The following HTR1F variants were observed in gnomAD, a reference collection of about 807,000 sequenced individuals.
HTR1F encodes the protein 5-hydroxytryptamine receptor 1F.
In HTR1F, 17 loss-of-function variants were observed where a neutral mutation model predicts 24.0. The ratio of observed to expected loss-of-function variants is 0.71; its 90% CI spans 0.48 to 1.06. The LOEUF is 1.06. Among genes scored for constraint, HTR1F ranks in the 50% least tolerant of loss-of-function variants. HTR1F has a pLI of 0.00. For missense variants in HTR1F, 391 were observed against 427.8 expected, an observed-to-expected ratio of 0.91 and a Z score of 0.76; for synonymous variants, 186 against 156.8, an observed-to-expected ratio of 1.19 and a Z score of -1.39.
intron 2 of HTR1F, among the ~76,000 whole-genome samples, chr3:87,898,311 C>T (rs1576002789): frequency 6.6e-6 from 1 of 152,244 alleles, no homozygotes; most frequent in East Asian, 1.9e-4. Context: ...TAGTCCTAGC[C>T]TTTTATTTTA....
chr3:87,873,704 C>G (rs1391846080), intron 2 of HTR1F, among the ~76,000 whole-genome samples: 1 of 152,102 alleles, frequency 6.6e-6, no homozygotes, highest in Non-Finnish European at 1.5e-5. Flanking sequence ...CTGAATTCAA[C>G]AGCAGATTAA....
intron 2 of HTR1F, among the ~76,000 whole-genome samples, chr3:87,864,920 A>AAGAAT: frequency 6.6e-6 from 1 of 151,916 alleles, no homozygotes; most frequent in Non-Finnish European, 1.5e-5. Flanking sequence ...AAGAAAAGAA[A>AAGAAT]AGAAAAGAAA....
chr3:87,901,039 C>A lies in HTR1F; in HGVS notation c.-43+78915C>A, dbSNP rs535352128. 3.3e-5 allele frequency among the ~76,000 whole-genome samples: 5 copies of A among 152,134 alleles called. No individual in the cohort carries two copies. In the South Asian group the frequency reaches 1.0e-3, roughly 32 times the overall value. On this transcript the variant is annotated intron_variant, in intron 2 of 2. Transcript: ENST00000319595. Reference sequence around the variant, plus strand: ...GACTGGGTCTAGGATAGACACTCCACCAGAAGGAAAGAGAAAAAGCACAGT... The same window carrying A: ...GACTGGGTCTAGGATAGACACTCCAACAGAAGGAAAGAGAAAAAGCACAGT...
At chr3:87,950,031 A>G (rs77977378) in intron 2 of HTR1F, among the ~76,000 whole-genome samples, 3,007 of 152,232 alleles carry the variant, frequency 0.02, 110 homozygotes, top group African/African-American at 0.067. Flanking sequence ...GTCAAAGGGG[A>G]AGCAGGCATC....
At chr3:87,969,704 G>C (rs1465111550) in intron 2 of HTR1F, among the ~76,000 whole-genome samples, 1 of 152,172 alleles carries the variant, frequency 6.6e-6, no homozygotes, top group Non-Finnish European at 1.5e-5. Context: ...AGATTCAGGG[G>C]AACTGTTGAG....
intron 2 of HTR1F, among the ~76,000 whole-genome samples, chr3:87,964,611 G>A (rs910171880): frequency 6.6e-6 from 1 of 152,192 alleles, no homozygotes; most frequent in Middle Eastern, 3.4e-3. Context: ...CAGTTGAACA[G>A]GAAGGTTATA....
intron 2 of HTR1F, among the ~76,000 whole-genome samples, chr3:87,887,138 A>G (rs1705967713): frequency 6.6e-6 from 1 of 152,214 alleles, no homozygotes; most frequent in South Asian, 2.1e-4. Flanking sequence ...ATACAGACCA[A>G]TGGAACAGAA....
At chr3:87,894,705 C>G (rs1394679346) in intron 2 of HTR1F, among the ~76,000 whole-genome samples, 2 of 151,752 alleles carry the variant, frequency 1.3e-5, no homozygotes, top group Non-Finnish European at 2.9e-5. Context: ...CTGCATTTAC[C>G]TGTTGGGCTA....
Position 87,875,792 on chromosome 3 carries a change from T to C in HTR1F, c.-43+53668T>C, listed in dbSNP as rs111648504. 4.5e-3 allele frequency among the ~76,000 whole-genome samples: 683 copies of C among 151,430 alleles called. 1 individual carries two copies. Among genetic ancestry groups the C allele is most frequent in the African/African-American group, 0.016 (660 of 41,338 alleles). On this transcript the variant is annotated intron_variant, in intron 2 of 2. Coordinates refer to ENST00000319595, the MANE Select transcript of HTR1F (RefSeq NM_001322209.2). ...ACAAAAAATTAGCTGGGCATGGTGG[T>C]GGGTGCCTGTAGTCCCAGCTACTCG...
At chr3:87,799,238 G>A (rs1184875096) in intron 1 of HTR1F, among the ~76,000 whole-genome samples, 1 of 152,092 alleles carries the variant, frequency 6.6e-6, no homozygotes, top group Non-Finnish European at 1.5e-5. Flanking sequence ...AAATGTGAAG[G>A]TGACTCTCAG....
At chr3:87,918,249 C>A (rs1703938803) in intron 2 of HTR1F, among the ~76,000 whole-genome samples, 1 of 152,042 alleles carries the variant, frequency 6.6e-6, no homozygotes, top group Admixed American at 6.6e-5. Context: ...CTATGACAAA[C>A]CCACAGTCAA....
chr3:87,906,317 C>T (rs1158447276), intron 2 of HTR1F, among the ~76,000 whole-genome samples: 1 of 151,948 alleles, frequency 6.6e-6, no homozygotes, highest in Non-Finnish European at 1.5e-5. Context: ...AAAGCAAGCA[C>T]TTTCAAGAAA....
At chr3:87,894,324 A>G (rs577739093) in intron 2 of HTR1F, among the ~76,000 whole-genome samples, 6 of 150,858 alleles carry the variant, frequency 4.0e-5, no homozygotes, top group Non-Finnish European at 4.4e-5. Context: ...TGGCACGATC[A>G]CTGCTCACTG....
At chr3:87,965,187 C>A (rs979283707) in intron 2 of HTR1F, among the ~76,000 whole-genome samples, 1 of 152,152 alleles carries the variant, frequency 6.6e-6, no homozygotes, top group Admixed American at 6.6e-5. Context: ...ACCTCTTTTT[C>A]TTAAGCTGAT....
chr3:87,824,168 GAT>G (rs1259843441), intron 2 of HTR1F, among the ~76,000 whole-genome samples: 1 of 152,030 alleles, frequency 6.6e-6, no homozygotes, highest in Non-Finnish European at 1.5e-5. Context: ...TCTACTCAAT[GAT>G]TCAAAATAGA....
At chr3:87,987,718 ATTTTATATATGTATT>A (rs1426052104) in intron 2 of HTR1F, among the ~76,000 whole-genome samples, 5 of 91,750 alleles carry the variant, frequency 5.4e-5, no homozygotes, top group African/African-American at 1.5e-4. Flanking sequence ...ATATATATGT[ATTTTATATATGTATT>A]TTATATATAT....
intron 2 of HTR1F, among the ~76,000 whole-genome samples, chr3:87,935,890 A>G (rs1704403489): frequency 6.6e-6 from 1 of 151,660 alleles, no homozygotes. Flanking sequence ...TCGCTCTGTC[A>G]CCCAGGCTGG....
chr3:87,829,311 C>T (rs1704526494), intron 2 of HTR1F, among the ~76,000 whole-genome samples: 1 of 152,100 alleles, frequency 6.6e-6, no homozygotes, highest in Admixed American at 6.5e-5. Flanking sequence ...CATTTATTAT[C>T]ATTTAAATAT....
intron 2 of HTR1F, among the ~76,000 whole-genome samples, chr3:87,936,151 A>T (rs181581224): frequency 4.7e-4 from 71 of 152,226 alleles, no homozygotes; most frequent in Non-Finnish European, 4.4e-5. Flanking sequence ...CACCTAGCCT[A>T]TTTTTAGGAT....
Sources: allele counts gnomAD v4.1 joint callset (sites outside exome capture counted in the v4.1 genomes callset), GRCh38; gene constraint gnomAD v4.1.1; transcripts MANE v1.5; gene names NCBI Gene and HGNC (gene_info 2026-07-23, HGNC 2026-07-21).